HSP90AA1: variants seen among roughly 807,000 people sequenced by gnomAD.
HSP90AA1 encodes heat shock protein HSP 90-alpha.
Under a neutral mutation model 73.3 loss-of-function variants are expected in HSP90AA1, and 18 were observed. The observed-to-expected ratio is 0.25, with a 90% CI of 0.17 to 0.36. The LOEUF (loss-of-function observed/expected upper bound fraction) is 0.36. Ranked by LOEUF, HSP90AA1 falls within the 10% of genes least tolerant of loss-of-function variation. The pLI is 1.00. For missense variants in HSP90AA1, 704 were observed against 874.2 expected, an observed-to-expected ratio of 0.81 and a Z score of 2.45; for synonymous variants, 477 against 296.9, an observed-to-expected ratio of 1.61 and a Z score of -6.24.
Position 102,082,457 on chromosome 14 carries a change from AG to A in HSP90AA1, c.1756-14del, listed in dbSNP as rs2095916243. 6.3e-7 allele frequency: 1 copy of A among 1,591,056 alleles called. No homozygotes were observed. The highest frequency in any genetic ancestry group is 1.1e-5 in the South Asian group (1 of 90,672). On this transcript the variant is annotated splice_polypyrimidine_tract_variant and intron_variant, in intron 9 of 10. Coordinates refer to ENST00000216281, the MANE Select transcript of HSP90AA1 (RefSeq NM_005348.4). ...TTGACACAACCACCTGTAATCAAAA[AG>A]TGATGACTAGGAACCTAGAAAGATT...
In HSP90AA1 at chr14:102,137,240, C is replaced by CA. The variant is rs904909597; in HGVS notation, c.155+2009dup. On this transcript the variant is annotated intron_variant, in intron 1 of 11. Transcript: ENST00000334701. ...TGGGCAACAGAGTGAGACTCCATCTCAAAAAAAAAATTTTTTTTTAAATTC... is the reference window on the plus strand; with the variant it reads ...TGGGCAACAGAGTGAGACTCCATCTCAAAAAAAAAAATTTTTTTTTAAATTC... Among the ~76,000 whole-genome samples, 8 of 147,054 alleles carry CA rather than the reference C, an allele frequency of 5.4e-5. No individual in the cohort carries two copies. The South Asian group carries it at 8.7e-4, about 16-fold the overall frequency.
chr14:102,081,627 C>CA lies in HSP90AA1; in HGVS notation c.*84dup. ...TGCCATACAGACTTTTTAATATTAA[C>CA]AAAAATAAAGAAAAACATCCTTGAA... On this transcript the variant is annotated 3_prime_UTR_variant, in exon 11 of 11. Coordinates refer to ENST00000216281, the MANE Select transcript of HSP90AA1 (RefSeq NM_005348.4). The CA allele has an allele frequency of 1.3e-6, 1 of 786,164 alleles. No homozygotes were observed. Among genetic ancestry groups the CA allele is most frequent in the Non-Finnish European group, 2.3e-6 (1 of 430,012 alleles). 48.7% of individuals were successfully genotyped at this position (786,164 alleles called of 1,614,324 possible). A position where few individuals can be genotyped will look rare whatever the true frequency, so the allele number is the denominator to read the frequency against.
chr14:102,085,536 A>G, intron 3 of HSP90AA1, 105 bp from the exon 4 acceptor site: 1 of 1,285,494 alleles, frequency 7.8e-7, no homozygotes, highest in South Asian at 1.2e-5. Flanking sequence ...TGCCGTTACT[A>G]CAGATGCAAA....
At position 102,084,861 on chromosome 14, in the gene HSP90AA1, T is replaced by C. The variant is rs2049185646; in HGVS notation, c.801A>G (p.Glu267=). 1 of 1,579,448 alleles carries C rather than the reference T, an allele frequency of 6.3e-7. No individual in the cohort carries two copies. The highest frequency in any genetic ancestry group is 8.7e-7 in the Non-Finnish European group (1 of 1,148,850). Residue 267 remains glutamate, a synonymous_variant, in exon 5 of 11, where the codon GAA becomes GAG. Transcript: ENST00000216281. The stretch of plus-strand genomic sequence containing the variant: ...TCTTCTTGTCACCATCCTTCTTTTC[T>C]TCTTCCTCATCAGAACCAACATCTT... ...EIEDVGSDEE[E]EKKDGDKKKK...
intron 10 of HSP90AA1, 96 bp downstream of exon 10, chr14:102,082,015 C>G: frequency 1.1e-6 from 1 of 892,182 alleles, no homozygotes; most frequent in Non-Finnish European, 1.9e-6. Context: ...GCAAGCAGGA[C>G]AAGGTGCTCC....
At chr14:102,083,478 A>C in intron 8 of HSP90AA1, 68 bp downstream of exon 8, 2 of 1,517,262 alleles carry the variant, frequency 1.3e-6, no homozygotes, top group Non-Finnish European at 1.8e-6. Context: ...CCTGAGTAGA[A>C]AACACACCCA....
In HSP90AA1 at chr14:102,083,664, C is replaced by T; in HGVS notation, c.1368G>A (p.Arg456=). 6.2e-7 allele frequency: 1 copy of T among 1,613,284 alleles called. No individual in the cohort carries two copies. The highest frequency in any genetic ancestry group is 8.5e-7 in the Non-Finnish European group (1 of 1,179,730). The change falls in exon 8 of 11, where the codon CGG becomes CGA. Residue 456 remains arginine, a synonymous_variant. Coordinates refer to ENST00000216281, the MANE Select transcript of HSP90AA1 (RefSeq NM_005348.4). ...KLGIHEDSQN[R]KKLSELLRYY... ...ACCTTAACAGCTCTGAAAGCTTCTT[C>T]CGATTTTGAGAGTCTTCGTGTATTC...
Position 102,132,959 on chromosome 14 carries a change from C to CA in HSP90AA1, c.155+6290dup, listed in dbSNP as rs537502940. On this transcript the variant is annotated intron_variant, in intron 1 of 11. Transcript: ENST00000334701. The stretch of plus-strand genomic sequence containing the variant: ...TGGGCCACAGGGCCAGACTCTGTCT[C>CA]AAAAAAAAAAATAAAAAAGGGAGCC... Among the ~76,000 whole-genome samples, 1,072 of 120,344 alleles carry CA rather than the reference C, an allele frequency of 8.9e-3. 9 individuals carry two copies. Among genetic ancestry groups the CA allele is most frequent in the East Asian group, 0.061 (249 of 4,082 alleles). The allele number at this position is 120,344 out of a possible 152,430, so 79.0% of individuals were successfully genotyped here.
At chr14:102,084,210 C>CTA in intron 6 of HSP90AA1, 189 bp downstream of exon 6, 1 of 680,240 alleles carries the variant, frequency 1.5e-6, no homozygotes, top group Non-Finnish European at 2.5e-6. Flanking sequence ...CTACATGGGG[C>CTA]TAATTTTTGT....
intron 1 of HSP90AA1, among the ~76,000 whole-genome samples, chr14:102,131,385 C>T (rs1188112874): frequency 2.6e-5 from 4 of 152,166 alleles, no homozygotes; most frequent in Non-Finnish European, 4.4e-5. Flanking sequence ...TGCTACCTAC[C>T]TCTGGCACCT....
At chr14:102,107,947 C>G (rs1176256007) in intron 1 of HSP90AA1, among the ~76,000 whole-genome samples, 3 of 69,954 alleles carry the variant, frequency 4.3e-5, no homozygotes, top group African/African-American at 1.7e-4. Context: ...TGAATTCTCT[C>G]TTAAATTTTT....
chr14:102,131,576 G>A (rs941655028), intron 1 of HSP90AA1, among the ~76,000 whole-genome samples: 6 of 152,238 alleles, frequency 3.9e-5, no homozygotes, highest in Middle Eastern at 3.4e-3. Context: ...GCACACTTCC[G>A]CCTCGGGGTC....
chr14:102,111,686 T>C (rs1278561213), intron 1 of HSP90AA1, among the ~76,000 whole-genome samples: 3 of 152,226 alleles, frequency 2.0e-5, no homozygotes, highest in African/African-American at 7.2e-5. Flanking sequence ...AGTTATAAGC[T>C]GGAATAAATA....
chr14:102,087,361 G>A (rs2049271206), upstream of HSP90AA1, among the ~76,000 whole-genome samples: 1 of 151,440 alleles, frequency 6.6e-6, no homozygotes, highest in African/African-American at 2.4e-5. Context: ...GGGGCCGCCC[G>A]CGCCCTCCGC....
intron 2 of HSP90AA1, among the ~76,000 whole-genome samples, chr14:102,099,762 C>T (rs1270461690): frequency 6.6e-6 from 1 of 152,168 alleles, no homozygotes; most frequent in Non-Finnish European, 1.5e-5. Context: ...CTTCTGTTTC[C>T]CAAGTGTCAG....
At chr14:102,082,707 G>A (rs2049126937) in intron 9 of HSP90AA1, 11 of 517,518 alleles carry the variant, frequency 2.1e-5, no homozygotes, top group Admixed American at 1.6e-4. Flanking sequence ...TGCAACCTCC[G>A]CCTCCTGGGT....
intron 6 of HSP90AA1, 78 bp from the exon 7 acceptor site, chr14:102,084,061 A>G (rs983677835): frequency 9.0e-7 from 1 of 1,110,456 alleles, no homozygotes; most frequent in African/African-American, 1.5e-5. Flanking sequence ...AAAATCAAAG[A>G]TAACCTGAAG....
intron 1 of HSP90AA1, among the ~76,000 whole-genome samples, chr14:102,131,604 C>T (rs2049907565): frequency 6.6e-6 from 1 of 152,194 alleles, no homozygotes; most frequent in South Asian, 2.1e-4. Flanking sequence ...TAGTTTTTTC[C>T]TGTGCTTGGT....
rs1050255038 is a variant in HSP90AA1, at chr14:102,080,785, T to C, written c.*927A>G. The C allele has an allele frequency of 4.5e-6, 1 of 220,040 alleles. No homozygotes were observed. The allele number at this position is 220,040 out of a possible 1,614,324, so 13.6% of individuals were successfully genotyped here. A position where few individuals can be genotyped will look rare whatever the true frequency, so the allele number is the denominator to read the frequency against. ...TGTATTTAACACAGAAGGTATTCCATGAATAACATCAAAACAACGTGGACA... is the reference window on the plus strand; with the variant it reads ...TGTATTTAACACAGAAGGTATTCCACGAATAACATCAAAACAACGTGGACA... On this transcript the variant is annotated 3_prime_UTR_variant, in exon 11 of 11. Transcript: ENST00000216281.
Sources: allele counts gnomAD v4.1 joint callset (sites outside exome capture counted in the v4.1 genomes callset), GRCh38; gene constraint gnomAD v4.1.1; transcripts MANE v1.5; gene names NCBI Gene and HGNC (gene_info 2026-07-23, HGNC 2026-07-21).